The following SDR42E2 variants were observed in gnomAD, a reference collection of about 807,000 sequenced individuals.
The protein encoded by SDR42E2 is short chain dehydrogenase/reductase family 42E, member 2, also known as putative short-chain dehydrogenase/reductase family 42E member 2.
SDR42E2 carries 20 observed loss-of-function variants against 10.5 expected under a neutral mutation model. The ratio of observed to expected loss-of-function variants is 1.90; its 90% CI spans 1.34 to 2.77. The LOEUF (loss-of-function observed/expected upper bound fraction) is 2.77, where lower values mean the gene tolerates loss of function less well. SDR42E2 is among the 30% of genes most tolerant of loss of function. The pLI, the probability that SDR42E2 is intolerant of heterozygous loss-of-function variation, is 0.00. For missense variants in SDR42E2, 162 were observed against 104.2 expected, an observed-to-expected ratio of 1.55 and a Z score of -2.42; for synonymous variants, 72 against 39.2, an observed-to-expected ratio of 1.84 and a Z score of -3.12.
rs141670399 is a variant in SDR42E2 at position 22,171,312 on chromosome 16, C to T, written c.513+361C>T. Among the ~76,000 whole-genome samples, 117 of 152,216 alleles carry T rather than the reference C, an allele frequency of 7.7e-4. 1 individual carries two copies. In the East Asian group the frequency reaches 0.02, roughly 26 times the overall value. ...CTGGAGTGCAGTGGCGTGATTTTGG[C>T]TCACTGCAACCTCTGCCTCCTGGGT... is the stretch of plus-strand genomic sequence containing the variant. On this transcript the variant is annotated intron_variant, in intron 6 of 12. Transcript: ENST00000602312.
rs558522753 is a variant in SDR42E2, at chr16:22,180,219, C to G, written c.673-1300C>G. 4.9e-4 allele frequency among the ~76,000 whole-genome samples: 75 copies of G among 152,232 alleles called. 1 individual carries two copies. The highest frequency in any genetic ancestry group is 1.7e-3 in the African/African-American group (72 of 41,538). On this transcript the variant is annotated intron_variant, in intron 8 of 12. Coordinates refer to ENST00000602312, the MANE Select transcript of SDR42E2 (RefSeq NM_001394319.2). ...TGGAAGGTTCTGAGCCGTGGAACAA[C>G]ATGGTTGTACTTAGAATTTTTAAAG...
In SDR42E2 at chr16:22,178,124, T is replaced by G; in HGVS notation, c.590-6T>G. 1 of 702,568 alleles carries G rather than the reference T, an allele frequency of 1.4e-6. No homozygotes were observed. Among genetic ancestry groups the G allele is most frequent in the Admixed American group, 2.0e-5 (1 of 49,960 alleles). The allele number at this position is 702,568 out of a possible 1,614,324, so 43.5% of individuals were successfully genotyped here. The stretch of plus-strand genomic sequence containing the variant: ...TGACCCCTGACCACGCTTCCCTGTG[T>G]GCTAGGAGGAGGCACTCTTCGGACG... On this transcript the variant is annotated splice_polypyrimidine_tract_variant and splice_region_variant and intron_variant, in intron 7 of 12. Coordinates refer to ENST00000602312, the MANE Select transcript of SDR42E2 (RefSeq NM_001394319.2).
chr16:22,169,125 G>C (rs938208069), intron 4 of SDR42E2, among the ~76,000 whole-genome samples: 2 of 152,180 alleles, frequency 1.3e-5, no homozygotes, highest in Non-Finnish European at 2.9e-5. Context: ...AACAGGTTCT[G>C]AGCCCATCTT....
At chr16:22,162,981 C>T (rs564082534) in intron 1 of SDR42E2, among the ~76,000 whole-genome samples, 8 of 152,272 alleles carry the variant, frequency 5.3e-5, no homozygotes, top group African/African-American at 1.9e-4. Flanking sequence ...CATTTGCTGG[C>T]CGCCTGCTTT....
chr16:22,176,691 G>GGGATTA (rs2046647374), intron 7 of SDR42E2, among the ~76,000 whole-genome samples: 2 of 152,308 alleles, frequency 1.3e-5, no homozygotes, highest in Admixed American at 1.3e-4. Context: ...CCAAAGTGCT[G>GGGATTA]GGATTACAGG....
intron 7 of SDR42E2, among the ~76,000 whole-genome samples, chr16:22,177,543 G>A (rs2046654585): frequency 6.6e-6 from 1 of 152,096 alleles, no homozygotes; most frequent in Non-Finnish European, 1.5e-5. Flanking sequence ...CAGGAAAATT[G>A]CTTGAACCCG....
At chr16:22,175,324 G>A (rs2046635610) in intron 7 of SDR42E2, among the ~76,000 whole-genome samples, 1 of 152,074 alleles carries the variant, frequency 6.6e-6, no homozygotes, top group South Asian at 2.1e-4. Flanking sequence ...ACCTGGTGTG[G>A]TGGTGCACAC....
At chr16:22,181,005 CA>C (rs917116351) in intron 8 of SDR42E2, among the ~76,000 whole-genome samples, 2 of 151,560 alleles carry the variant, frequency 1.3e-5, no homozygotes, top group Non-Finnish European at 2.9e-5. Flanking sequence ...GAATCTGTCT[CA>C]AAAAAAAGAA....
Position 22,166,439 on chromosome 16 carries a change from A to G in SDR42E2, c.240+5A>G, listed in dbSNP as rs1031147906. 12 of 402,548 alleles carry G rather than the reference A, an allele frequency of 3.0e-5. No individual in the cohort carries two copies. The highest frequency in any genetic ancestry group is 3.1e-4 in the Middle Eastern group (1 of 3,242). 24.9% of individuals were successfully genotyped at this position (402,548 alleles called of 1,614,324 possible). On this transcript the variant is annotated splice_donor_5th_base_variant and intron_variant, in intron 3 of 12. Transcript: ENST00000602312. ...CCGGAAACCAAGTTCATCCAGGTACAAGGAACAAGGGTCTTAATAGACTGG... is the reference window on the plus strand; with the variant it reads ...CCGGAAACCAAGTTCATCCAGGTACGAGGAACAAGGGTCTTAATAGACTGG...
chr16:22,180,850 T>C (rs2046687197), intron 8 of SDR42E2, among the ~76,000 whole-genome samples: 1 of 152,108 alleles, frequency 6.6e-6, no homozygotes, highest in Non-Finnish European at 1.5e-5. Context: ...CTACTAAAAA[T>C]ACAAAAATTA....
rs1159103004 is a variant in SDR42E2 at position 22,186,786 on chromosome 16, C to G, written c.1006C>G (p.Arg336Gly). ...PICSLPPLLT[R>G]SEVRSVAVTH... ...CTGCAGCCTCCCACCGCTGCTCACT[C>G]GTAGTGAGGTAAGTGGGCTGCTGTT... The change falls in exon 12 of 13, where the codon CGT becomes GGT. Residue 336 changes from arginine (R) to glycine (G), a missense_variant. By Grantham distance (125) the Arg-to-Gly change is moderately radical. Coordinates refer to ENST00000602312, the MANE Select transcript of SDR42E2 (RefSeq NM_001394319.2). 2.5e-6 allele frequency: 1 copy of G among 399,450 alleles called. No individual in the cohort carries two copies. The highest frequency in any genetic ancestry group is 4.4e-6 in the Non-Finnish European group (1 of 225,828). 24.7% of individuals were successfully genotyped at this position (399,450 alleles called of 1,614,324 possible). A position where few individuals can be genotyped will look rare whatever the true frequency, so the allele number is the denominator to read the frequency against.
chr16:22,170,268 C>T (rs1191296577), intron 5 of SDR42E2, among the ~76,000 whole-genome samples: 7 of 152,028 alleles, frequency 4.6e-5, no homozygotes, highest in African/African-American at 1.7e-4. Flanking sequence ...GCAGGAGAAT[C>T]GCTTGAACCT....
intron 12 of SDR42E2, among the ~76,000 whole-genome samples, chr16:22,189,470 G>A (rs1247907935): frequency 6.6e-6 from 1 of 152,180 alleles, no homozygotes; most frequent in African/African-American, 2.4e-5. Context: ...ATGAGGTAGG[G>A]CATAGAAAGG....
intron 4 of SDR42E2, among the ~76,000 whole-genome samples, 197 bp from the exon 5 acceptor site, chr16:22,169,248 G>A (rs1485619037): frequency 6.6e-6 from 1 of 152,172 alleles, no homozygotes; most frequent in Non-Finnish European, 1.5e-5. Context: ...GGACAGATGT[G>A]TGGGCAGAAC....
intron 8 of SDR42E2, among the ~76,000 whole-genome samples, chr16:22,178,600 C>G (rs2046665785): frequency 6.6e-6 from 1 of 152,156 alleles, no homozygotes; most frequent in Non-Finnish European, 1.5e-5. Context: ...AGAAATACAG[C>G]TACAAGGGGC....
rs2046695579 is a variant in SDR42E2 at position 22,181,618 on chromosome 16, G to T, written c.772G>T (p.Ala258Ser). The T allele has an allele frequency of 1.4e-6, 1 of 703,004 alleles. No homozygotes were observed. The highest frequency in any genetic ancestry group is 2.0e-5 in the Admixed American group (1 of 49,998). The allele number at this position is 703,004 out of a possible 1,614,324, so 43.5% of individuals were successfully genotyped here. Residue 258 changes from alanine (A) to serine (S), a missense_variant, in exon 9 of 13, where the codon GCG (alanine) becomes TCG (serine). Ala to Ser is a moderately conservative substitution (Grantham distance 99, BLOSUM62 1). Transcript: ENST00000602312. The stretch of plus-strand genomic sequence containing the variant: ...CAATCTGGTGCAGGCACACGTGCTG[G>T]CGGCCGAGGCCCTCACCACGGCCAA... ...VHNLVQAHVL[A>S]AEALTTAKGY...
intron 11 of SDR42E2, among the ~76,000 whole-genome samples, chr16:22,184,866 T>A (rs2046725231): frequency 6.6e-6 from 1 of 152,094 alleles, no homozygotes; most frequent in African/African-American, 2.4e-5. Context: ...GGTTAGTGAC[T>A]TTCTCAAAGT....
At chr16:22,172,437 T>TTCCA in intron 7 of SDR42E2, 106 bp downstream of exon 7, 1 of 687,134 alleles carries the variant, frequency 1.5e-6, no homozygotes, top group South Asian at 1.5e-5. Context: ...CCCACCTTCC[T>TTCCA]TCCAAAGGAC....
chr16:22,173,018 T>C (rs112055760), intron 7 of SDR42E2, among the ~76,000 whole-genome samples: 18,699 of 152,104 alleles, frequency 0.12, 1,570 homozygotes, highest in East Asian at 0.49. Context: ...TGGCCTCAAG[T>C]GATCTTCCTG....
Sources: gnomAD v4.1 joint callset for allele counts (sites outside exome capture counted in the v4.1 genomes callset) on GRCh38, gnomAD v4.1.1 for gene constraint, MANE v1.5 for transcripts, NCBI Gene and HGNC (gene_info 2026-07-23, HGNC 2026-07-21) for gene names.